CREB5: variants seen among roughly 807,000 people sequenced by gnomAD.
The protein encoded by CREB5 is cAMP responsive element binding protein 5, also known as cyclic AMP-responsive element-binding protein 5.
CREB5 carries 19 observed loss-of-function variants against 57.1 expected under a neutral mutation model. The observed-to-expected ratio is 0.33, with a 90% CI of 0.23 to 0.49. CREB5 has a LOEUF of 0.49. Among genes scored for constraint, CREB5 ranks in the 20% least tolerant of loss-of-function variants. The probability of loss-of-function intolerance (pLI) is 0.99; values close to 1 mark genes in which losing one functional copy is unlikely to be tolerated. For missense variants in CREB5, 579 were observed against 671.6 expected, an observed-to-expected ratio of 0.86 and a Z score of 1.52; for synonymous variants, 238 against 238.3, an observed-to-expected ratio of 1.00 and a Z score of 0.01.
chr7:28,676,505 A>G (rs1021078432), intron 5 of CREB5, among the ~76,000 whole-genome samples: 1 of 151,936 alleles, frequency 6.6e-6, no homozygotes, highest in Admixed American at 6.6e-5. Flanking sequence ...TTCCTGGGTC[A>G]CTCGTGTTTT....
intron 5 of CREB5, among the ~76,000 whole-genome samples, chr7:28,662,948 C>G (rs975487192): frequency 2.0e-5 from 3 of 151,852 alleles, no homozygotes; most frequent in African/African-American, 7.3e-5. Flanking sequence ...AGTTCGAGAT[C>G]AGCTTGGCCA....
chr7:28,327,091 G>T (rs1427336780), intron 1 of CREB5, among the ~76,000 whole-genome samples: 2 of 149,040 alleles, frequency 1.3e-5, no homozygotes, highest in African/African-American at 5.0e-5. Context: ...AGAGGTTACA[G>T]TGAGCTGAGG....
At chr7:28,779,997 G>C (rs954939221) in intron 7 of CREB5, among the ~76,000 whole-genome samples, 1 of 152,088 alleles carries the variant, frequency 6.6e-6, no homozygotes, top group African/African-American at 2.4e-5. Context: ...TCAAACTCCT[G>C]AGCTCAAGCG....
intron 7 of CREB5, among the ~76,000 whole-genome samples, chr7:28,725,047 A>C (rs1229607731): frequency 6.6e-6 from 1 of 152,234 alleles, no homozygotes; most frequent in Non-Finnish European, 1.5e-5. Flanking sequence ...TAGGTCATTT[A>C]GTTTACATAC....
At chr7:28,776,751 C>T (rs540400576) in intron 7 of CREB5, among the ~76,000 whole-genome samples, 52 of 152,328 alleles carry the variant, frequency 3.4e-4, no homozygotes, top group African/African-American at 1.2e-3. Flanking sequence ...TCTGTCTCTA[C>T]GGATTGCCTC....
chr7:28,356,660 A>G (rs1207320055), intron 1 of CREB5, among the ~76,000 whole-genome samples: 2 of 152,224 alleles, frequency 1.3e-5, no homozygotes, highest in Non-Finnish European at 2.9e-5. Context: ...ATGTAAAAGT[A>G]CAGGTAGATG....
chr7:28,623,884 TG>T (rs996890092), intron 5 of CREB5, among the ~76,000 whole-genome samples: 6 of 152,104 alleles, frequency 3.9e-5, no homozygotes, highest in Non-Finnish European at 8.8e-5. Flanking sequence ...TTCATAAAGA[TG>T]GGGGGAGATT....
intron 5 of CREB5, among the ~76,000 whole-genome samples, chr7:28,708,581 C>T (rs932590386): frequency 6.6e-6 from 1 of 152,130 alleles, no homozygotes; most frequent in Non-Finnish European, 1.5e-5. Flanking sequence ...CAGAGGCTGC[C>T]GGGAAGATCC....
At chr7:28,410,074 G>A (rs1476479347), upstream of CREB5, 21 of 401,724 alleles carry the variant, frequency 5.2e-5, no homozygotes, top group Non-Finnish European at 1.0e-4. Context: ...GCGGGTGGGC[G>A]CGCGCGCAGG....
chr7:28,301,635 A>G (rs1391604463), intron 1 of CREB5, among the ~76,000 whole-genome samples: 3 of 152,250 alleles, frequency 2.0e-5, no homozygotes, highest in African/African-American at 2.4e-5. Context: ...CTAGAAAAAG[A>G]GAAAGCATTC....
intron 4 of CREB5, among the ~76,000 whole-genome samples, chr7:28,536,088 AT>A (rs1793956278): frequency 6.6e-6 from 1 of 152,030 alleles, no homozygotes; most frequent in Non-Finnish European, 1.5e-5. Context: ...GAGTGTCTTG[AT>A]TTCCCCATCT....
intron 1 of CREB5, among the ~76,000 whole-genome samples, chr7:28,470,331 C>G (rs1358012517): frequency 6.6e-6 from 1 of 152,156 alleles, no homozygotes; most frequent in Non-Finnish European, 1.5e-5. Flanking sequence ...CGATGTTTGT[C>G]TTTCCGTGCC....
At chr7:28,397,162 T>C (rs904652238) in intron 1 of CREB5, among the ~76,000 whole-genome samples, 4 of 152,092 alleles carry the variant, frequency 2.6e-5, no homozygotes, top group Admixed American at 6.5e-5. Context: ...AACACATGGA[T>C]TGAAAAAAAA....
chr7:28,471,172 C>T (rs1790788488), intron 1 of CREB5, among the ~76,000 whole-genome samples: 1 of 152,036 alleles, frequency 6.6e-6, no homozygotes, highest in African/African-American at 2.4e-5. Context: ...GAGAGTTTTT[C>T]CAATGTTTTC....
At chr7:28,747,607 A>T (rs1459310798) in intron 7 of CREB5, among the ~76,000 whole-genome samples, 1 of 152,072 alleles carries the variant, frequency 6.6e-6, no homozygotes, top group African/African-American at 2.4e-5. Context: ...CTCATTCTTG[A>T]GCCCTAATTT....
At chr7:28,535,483 T>A (rs1324133034) in intron 4 of CREB5, among the ~76,000 whole-genome samples, 1 of 142,640 alleles carries the variant, frequency 7.0e-6, no homozygotes, top group Non-Finnish European at 1.6e-5. Flanking sequence ...TATTTCCTTC[T>A]CTTCATCTCG....
intron 5 of CREB5, among the ~76,000 whole-genome samples, chr7:28,640,149 C>A (rs1798592491): frequency 6.6e-6 from 1 of 152,088 alleles, no homozygotes; most frequent in Non-Finnish European, 1.5e-5. Context: ...TCAGCTCAGC[C>A]CTAAATGGTG....
In CREB5 at chr7:28,532,610, T is replaced by G. The variant is rs562996879; in HGVS notation, c.291+24873T>G. 9.2e-5 allele frequency among the ~76,000 whole-genome samples: 14 copies of G among 152,252 alleles called. No homozygotes were observed. The South Asian group carries it at 2.9e-3, about 32-fold the overall frequency. ...AAGGTTTTCTTTGTTTGTTTGTTTG[T>G]TTTTGTTTTTTAAGGAAATGGAGAA... is the stretch of plus-strand genomic sequence containing the variant. On this transcript the variant is annotated intron_variant, in intron 4 of 10. Transcript: ENST00000357727.
intron 7 of CREB5, among the ~76,000 whole-genome samples, chr7:28,751,126 A>C (rs1804952087): frequency 6.8e-6 from 1 of 146,616 alleles, no homozygotes; most frequent in African/African-American, 2.5e-5. Context: ...TAACCAACAA[A>C]CGAAGCCACT....
Sources: gnomAD v4.1 joint callset for allele counts (sites outside exome capture counted in the v4.1 genomes callset) on GRCh38, gnomAD v4.1.1 for gene constraint, MANE v1.5 for transcripts, NCBI Gene and HGNC (gene_info 2026-07-23, HGNC 2026-07-21) for gene names.